Variants in CMTM7 observed in about 807,000 individuals in gnomAD.
The protein encoded by CMTM7 is CKLF-like MARVEL transmembrane domain-containing protein 7.
A neutral mutation model predicts 19.3 loss-of-function variants in CMTM7; 7 were observed. The observed-to-expected ratio is 0.36, with a 90% CI of 0.21 to 0.68. The LOEUF (loss-of-function observed/expected upper bound fraction) is 0.68, where lower values mean the gene tolerates loss of function less well. Among genes scored for constraint, CMTM7 ranks in the 30% least tolerant of loss-of-function variants. The probability of loss-of-function intolerance (pLI) is 0.60; values close to 1 mark genes in which losing one functional copy is unlikely to be tolerated. For synonymous variants in CMTM7, 87 were observed against 99.3 expected (o/e 0.88, Z 0.74); for missense variants, 193 against 232.6 (o/e 0.83, Z 1.11).
chr3:32,401,905 C>A (rs2125620234), intron 1 of CMTM7, among the ~76,000 whole-genome samples: 1 of 152,320 alleles, frequency 6.6e-6, no homozygotes, highest in East Asian at 1.9e-4. Context: ...TCCAGCCACC[C>A]GGCGCTCCTG....
intron 1 of CMTM7, among the ~76,000 whole-genome samples, chr3:32,411,354 A>G (rs1696172750): frequency 6.6e-6 from 1 of 152,248 alleles, no homozygotes; most frequent in Non-Finnish European, 1.5e-5. Context: ...GTGAATATAT[A>G]AAAAGGAAAA....
intron 1 of CMTM7, among the ~76,000 whole-genome samples, chr3:32,441,032 A>T (rs1178492570): frequency 6.6e-6 from 1 of 152,210 alleles, no homozygotes; most frequent in Non-Finnish European, 1.5e-5. Flanking sequence ...GTGAGCTCTC[A>T]CCACATGCCC....
At chr3:32,433,953 C>T (rs1416009653) in intron 1 of CMTM7, among the ~76,000 whole-genome samples, 6 of 151,894 alleles carry the variant, frequency 4.0e-5, no homozygotes, top group South Asian at 2.1e-4. Context: ...TTTGGGAGGC[C>T]GAGGCGGGTG....
intron 2 of CMTM7, among the ~76,000 whole-genome samples, chr3:32,445,224 A>C (rs1696736331): frequency 6.6e-6 from 1 of 152,222 alleles, no homozygotes; most frequent in Non-Finnish European, 1.5e-5. Context: ...ATTGCAAGAA[A>C]TTAGTTGACT....
At chr3:32,394,931 T>C (rs1247922785) in intron 1 of CMTM7, among the ~76,000 whole-genome samples, 1 of 151,972 alleles carries the variant, frequency 6.6e-6, no homozygotes, top group Non-Finnish European at 1.5e-5. Flanking sequence ...CTTGACCTCA[T>C]GATCCGCCCC....
rs190646692 is a variant in CMTM7 at position 32,443,938 on chromosome 3, A to T, written c.333+1925A>T. 3.0e-3 allele frequency among the ~76,000 whole-genome samples: 463 copies of T among 152,180 alleles called. 2 individuals are homozygous for T. The highest frequency in any genetic ancestry group is 0.011 in the African/African-American group (448 of 41,514). On this transcript the variant is annotated intron_variant, in intron 2 of 4. Coordinates refer to ENST00000334983, the MANE Select transcript of CMTM7 (RefSeq NM_138410.4). ...TGTCTTTTCATTATTGAGTTGTGAG[A>T]ATTCCTTCTATAGTCTGGATAAAAG...
intron 1 of CMTM7, among the ~76,000 whole-genome samples, chr3:32,400,473 A>G (rs1414678122): frequency 7.2e-6 from 1 of 139,720 alleles, no homozygotes; most frequent in African/African-American, 2.8e-5. Context: ...GCTCACTGCA[A>G]CCTCCACCTC....
chr3:32,410,118 A>G (rs1362911019), intron 1 of CMTM7, among the ~76,000 whole-genome samples: 10 of 152,160 alleles, frequency 6.6e-5, no homozygotes, highest in Non-Finnish European at 1.5e-4. Flanking sequence ...GGCCTTCGTC[A>G]GCCCCTCAGC....
At chr3:32,399,161 A>G (rs1695963244) in intron 1 of CMTM7, among the ~76,000 whole-genome samples, 1 of 152,146 alleles carries the variant, frequency 6.6e-6, no homozygotes, top group African/African-American at 2.4e-5. Context: ...AGTCTAAGAA[A>G]AATCAGCAAA....
intron 2 of CMTM7, among the ~76,000 whole-genome samples, chr3:32,445,419 G>T (rs1434456626): frequency 6.6e-6 from 1 of 152,156 alleles, no homozygotes; most frequent in African/African-American, 2.4e-5. Context: ...TATCATAAAA[G>T]AGTATTAGAT....
chr3:32,429,210 T>C (rs1173336927), intron 1 of CMTM7, among the ~76,000 whole-genome samples: 2 of 152,174 alleles, frequency 1.3e-5, no homozygotes, highest in Non-Finnish European at 2.9e-5. Context: ...GGAAGAGTGA[T>C]GACTGCAAAT....
At chr3:32,440,070 TACACACACACACAC>T (rs10526471) in intron 1 of CMTM7, among the ~76,000 whole-genome samples, 54,684 of 150,094 alleles carry the variant, frequency 0.36, 10,007 homozygotes, top group South Asian at 0.51. Context: ...ACCACACGCA[TACACACACACACAC>T]ACACACACAC....
At chr3:32,425,921 G>A (rs140599248) in intron 1 of CMTM7, among the ~76,000 whole-genome samples, 5,090 of 152,230 alleles carry the variant, frequency 0.033, 116 homozygotes, top group Middle Eastern at 0.092. Flanking sequence ...CGAGGTGGGC[G>A]GATCACCTGA....
In CMTM7 at chr3:32,415,598, C is replaced by T. The variant is rs554144009; in HGVS notation, c.159+23533C>T. On this transcript the variant is annotated intron_variant, in intron 1 of 4. Coordinates refer to ENST00000334983, the MANE Select transcript of CMTM7 (RefSeq NM_138410.4). ...TTCTCTATGCCTCAGTTCCCTCTTC[C>T]GTGAGATGGGGGTGATAATATTACC... 6.0e-4 allele frequency among the ~76,000 whole-genome samples: 91 copies of T among 152,310 alleles called. No individual in the cohort carries two copies. In the South Asian group the frequency reaches 0.018, roughly 31 times the overall value.
In CMTM7 at chr3:32,454,413, T is replaced by C. The variant is rs148964934; in HGVS notation, c.*159T>C. The stretch of plus-strand genomic sequence containing the variant: ...CTTCCTGCTCTCCCAGGAAGCCAGC[T>C]CCCTGAGCTCCTGAGCCAGCCGGAA... On this transcript the variant is annotated 3_prime_UTR_variant, in exon 5 of 5. Coordinates refer to ENST00000334983, the MANE Select transcript of CMTM7 (RefSeq NM_138410.4). The C allele has an allele frequency of 4.1e-5, 35 of 847,272 alleles. No individual in the cohort carries two copies. In the African/African-American group the frequency reaches 4.2e-4, roughly 10 times the overall value. 52.5% of individuals were successfully genotyped at this position (847,272 alleles called of 1,614,324 possible).
intron 1 of CMTM7, among the ~76,000 whole-genome samples, chr3:32,406,393 G>T (rs1696091813): frequency 6.6e-6 from 1 of 152,126 alleles, no homozygotes; most frequent in Non-Finnish European, 1.5e-5. Flanking sequence ...ACCCAATGTT[G>T]CATGCTTTTC....
chr3:32,428,717 T>A (rs1696470422), intron 1 of CMTM7, among the ~76,000 whole-genome samples: 1 of 152,240 alleles, frequency 6.6e-6, no homozygotes, highest in African/African-American at 2.4e-5. Context: ...CAGGCTCTTT[T>A]CTCTACCAAG....
At chr3:32,396,682 G>A (rs1575106632) in intron 1 of CMTM7, among the ~76,000 whole-genome samples, 2 of 152,232 alleles carry the variant, frequency 1.3e-5, no homozygotes, top group East Asian at 1.9e-4. Context: ...GCCACTGGGT[G>A]TGGGGAGGCT....
At chr3:32,426,140 C>T (rs983324614) in intron 1 of CMTM7, among the ~76,000 whole-genome samples, 20 of 151,822 alleles carry the variant, frequency 1.3e-4, no homozygotes, top group Admixed American at 3.3e-4. Flanking sequence ...AGTGAAACTC[C>T]GTCTCAAAAA....
Sources: gnomAD v4.1 joint callset for allele counts (sites outside exome capture counted in the v4.1 genomes callset) on GRCh38, gnomAD v4.1.1 for gene constraint, MANE v1.5 for transcripts, NCBI Gene and HGNC (gene_info 2026-07-23, HGNC 2026-07-21) for gene names.